Variants in KIF20B observed in about 807,000 individuals in gnomAD.
KIF20B encodes the protein kinesin-like protein KIF20B.
Under a neutral mutation model 232.5 loss-of-function variants are expected in KIF20B, and 188 were observed. The ratio of observed to expected loss-of-function variants is 0.81; its 90% CI spans 0.72 to 0.91. The LOEUF (loss-of-function observed/expected upper bound fraction) is 0.91. Among genes scored for constraint, KIF20B ranks in the 40% least tolerant of loss-of-function variants. The probability of loss-of-function intolerance (pLI) is 0.00; values close to 1 mark genes in which losing one functional copy is unlikely to be tolerated. For missense variants in KIF20B, 2,154 were observed against 2,055.9 expected (o/e 1.05, Z -0.92); for synonymous variants, 712 against 683.0 (o/e 1.04, Z -0.66).
At chr10:89,751,613 T>A in intron 24 of KIF20B, 142 bp downstream of exon 24, 1 of 767,726 alleles carries the variant, frequency 1.3e-6, no homozygotes, top group Non-Finnish European at 2.1e-6. Flanking sequence ...AATGTCCTAT[T>A]ACTTGTCATT....
At chr10:89,723,769 G>T in intron 13 of KIF20B, 195 bp from the exon 14 acceptor site, 1 of 434,390 alleles carries the variant, frequency 2.3e-6, no homozygotes, top group East Asian at 4.8e-5. Context: ...TCTAAAATGT[G>T]GAAAGGCCAA....
chr10:89,751,586 G>C (rs1218488173), intron 24 of KIF20B, 115 bp downstream of exon 24: 2 of 1,001,268 alleles, frequency 2.0e-6, no homozygotes, highest in Admixed American at 5.9e-5. Context: ...TAATGGAAAA[G>C]TATTTGGTGT....
chr10:89,765,669 C>T (rs1046143185), intron 29 of KIF20B, among the ~76,000 whole-genome samples: 20 of 152,140 alleles, frequency 1.3e-4, no homozygotes, highest in Admixed American at 6.6e-5. Context: ...CAGCATGGTA[C>T]TGGTACCAAA....
Position 89,726,545 on chromosome 10 carries a change from A to C in KIF20B, c.2230+24A>C, listed in dbSNP as rs369493408. ...TGGTAAGTGGATACATTTTACTTTT[A>C]TTTAGATATTGTAAACACATAAAAA... On this transcript the variant is annotated intron_variant, in intron 16 of 32. Coordinates refer to ENST00000371728, the MANE Select transcript of KIF20B (RefSeq NM_001284259.2). 78 of 1,511,628 alleles carry C rather than the reference A, an allele frequency of 5.2e-5. 1 individual carries two copies. In the African/African-American group the frequency reaches 9.7e-4, roughly 19 times the overall value. The allele number at this position is 1,511,628 out of a possible 1,614,324, so 93.6% of individuals were successfully genotyped here.
intron 25 of KIF20B, among the ~76,000 whole-genome samples, chr10:89,754,277 A>G (rs1167393110): frequency 1.3e-5 from 2 of 152,074 alleles, no homozygotes; most frequent in Admixed American, 6.6e-5. Context: ...GGTCACTGAT[A>G]AAAGTATTTA....
intron 28 of KIF20B, among the ~76,000 whole-genome samples, chr10:89,762,245 T>C (rs1842256512): frequency 6.6e-6 from 1 of 152,176 alleles, no homozygotes; most frequent in Non-Finnish European, 1.5e-5. Context: ...AATGAGAGAC[T>C]CCATCTCTCA....
At chr10:89,750,380 C>G (rs1841997753) in intron 23 of KIF20B, among the ~76,000 whole-genome samples, 1 of 152,090 alleles carries the variant, frequency 6.6e-6, no homozygotes, top group Non-Finnish European at 1.5e-5. Flanking sequence ...ATGAAGGTGA[C>G]TTTAATCCTA....
intron 28 of KIF20B, among the ~76,000 whole-genome samples, chr10:89,762,235 A>G (rs2133167370): frequency 6.6e-6 from 1 of 152,278 alleles, no homozygotes; most frequent in South Asian, 2.1e-4. Context: ...AATAGAGGGG[A>G]ATGAGAGACT....
chr10:89,753,294 A>G (rs759224390), intron 25 of KIF20B, among the ~76,000 whole-genome samples: 3 of 152,186 alleles, frequency 2.0e-5, no homozygotes, highest in Non-Finnish European at 2.9e-5. Flanking sequence ...TGAAGGAAAC[A>G]TAATAGTTTT....
chr10:89,734,540 T>C (rs1841601896), intron 19 of KIF20B, among the ~76,000 whole-genome samples: 1 of 152,218 alleles, frequency 6.6e-6, no homozygotes, highest in African/African-American at 2.4e-5. Context: ...TGGCTTTTCC[T>C]TTATTTTGCT....
chr10:89,768,457 C>T (rs1842406623), intron 30 of KIF20B, 66 bp downstream of exon 30: 1 of 974,970 alleles, frequency 1.0e-6, no homozygotes, highest in Admixed American at 2.3e-5. Flanking sequence ...TCAATTATAA[C>T]TCATTTATCT....
rs762375702 is a variant in KIF20B, at chr10:89,737,903, T to C, written c.3062T>C (p.Leu1021Ser). 2.5e-6 allele frequency: 4 copies of C among 1,613,386 alleles called. No homozygotes were observed. Among genetic ancestry groups the C allele is most frequent in the Non-Finnish European group, 3.4e-6 (4 of 1,179,622 alleles). The change falls in exon 20 of 33, where the codon TTG becomes TCG. Residue 1021 changes from leucine to serine, a missense_variant. By Grantham distance (145) the Leu-to-Ser change is moderately radical. Coordinates refer to ENST00000371728, the MANE Select transcript of KIF20B (RefSeq NM_001284259.2). ...DLSNGSEEDN[L>S]PNTQLDLLGN... is the part of the protein sequence containing the mutation. The stretch of plus-strand genomic sequence containing the variant: ...TCAAATGGTTCTGAGGAGGATAATT[T>C]GCCAAATACACAGTTAGACCTTTTA...
rs539542565 is a variant in KIF20B at position 89,765,338 on chromosome 10, G to A, written c.4989+2503G>A. Among the ~76,000 whole-genome samples the A allele has an allele frequency of 3.1e-3, 468 of 152,226 alleles. 2 individuals are homozygous for A. Among genetic ancestry groups the A allele is most frequent in the Middle Eastern group, 0.01 (3 of 294 alleles). The stretch of plus-strand genomic sequence containing the variant: ...GAATCCAACTTACAAGGGACTTGAA[G>A]GACCTCTTCAAGAAGAACTACAAAC... On this transcript the variant is annotated intron_variant, in intron 29 of 32. Transcript: ENST00000371728.
chr10:89,726,506 A>G lies in KIF20B; in HGVS notation c.2215A>G (p.Lys739Glu). The change falls in exon 16 of 33, where the codon AAA becomes GAA. Residue 739 changes from lysine (K) to glutamate (E), a missense_variant. Transcript: ENST00000371728. ...ATTAATCAAAACCAAAGAAGAGTTA[A>G]AAAAGAGAGAAAATGGTAAGTGGAT... ...GELIKTKEELKKRENESDSLI... is the reference protein window; with the variant it reads ...GELIKTKEELEKRENESDSLI... 1 of 1,589,282 alleles carries G rather than the reference A, an allele frequency of 6.3e-7. No individual in the cohort carries two copies. The highest frequency in any genetic ancestry group is 1.1e-5 in the South Asian group (1 of 86,962).
At chr10:89,709,807 A>T in intron 4 of KIF20B, 120 bp from the exon 5 acceptor site, 2 of 681,558 alleles carry the variant, frequency 2.9e-6, no homozygotes, top group East Asian at 6.3e-5. Flanking sequence ...GGGAGTGGGG[A>T]TGTGGCACCT....
chr10:89,771,421 T>A (rs936618738), intron 31 of KIF20B, among the ~76,000 whole-genome samples: 13 of 152,206 alleles, frequency 8.5e-5, no homozygotes, highest in African/African-American at 2.9e-4. Flanking sequence ...CATTTCTATT[T>A]TTTTTAGGCT....
intron 6 of KIF20B, among the ~76,000 whole-genome samples, chr10:89,712,229 C>G (rs1352421314): frequency 1.3e-5 from 2 of 151,604 alleles, no homozygotes; most frequent in East Asian, 1.9e-4. Flanking sequence ...CTCCCCTGCC[C>G]CCATTGTGTT....
At chr10:89,762,508 G>A (rs892782302) in intron 28 of KIF20B, 130 bp from the exon 29 acceptor site, 4 of 645,312 alleles carry the variant, frequency 6.2e-6, no homozygotes, top group East Asian at 2.8e-5. Flanking sequence ...TTCTGTTCTT[G>A]CTGTGATCTA....
intron 28 of KIF20B, among the ~76,000 whole-genome samples, chr10:89,762,153 T>C (rs1842254924): frequency 1.3e-5 from 2 of 152,170 alleles, no homozygotes; most frequent in Admixed American, 1.3e-4. Flanking sequence ...TTGTAATGCT[T>C]CTTATGATTG....
Sources: allele counts gnomAD v4.1 joint callset (sites outside exome capture counted in the v4.1 genomes callset), GRCh38; gene constraint gnomAD v4.1.1; transcripts MANE v1.5; gene names NCBI Gene and HGNC (gene_info 2026-07-23, HGNC 2026-07-21).